Variants in SGTB observed in about 807,000 individuals in gnomAD.
SGTB encodes small glutamine rich tetratricopeptide repeat co-chaperone beta.
SGTB carries 19 observed loss-of-function variants against 43.9 expected under a neutral mutation model. The ratio of observed to expected loss-of-function variants is 0.43; its 90% confidence interval spans 0.30 to 0.63. The LOEUF is 0.63. Ranked by LOEUF, SGTB falls within the 30% of genes least tolerant of loss-of-function variation. The pLI, the probability that SGTB is intolerant of heterozygous loss-of-function variation, is 0.12. For synonymous variants in SGTB, 116 were observed against 117.3 expected (o/e 0.99, Z 0.07); for missense variants, 304 against 358.9 (o/e 0.85, Z 1.24).
At chr5:65,696,831 A>G (rs1757724727) in intron 5 of SGTB, among the ~76,000 whole-genome samples, 2 of 152,212 alleles carry the variant, frequency 1.3e-5, no homozygotes, top group African/African-American at 4.8e-5. Flanking sequence ...CATCAGTAGG[A>G]TCCTAAAAGG....
At chr5:65,680,396 C>A in intron 8 of SGTB, 98 bp downstream of exon 8, 1 of 1,247,012 alleles carries the variant, frequency 8.0e-7, no homozygotes, top group Non-Finnish European at 1.1e-6. Context: ...CCACTACAAC[C>A]ACCACCACAA....
Position 65,702,299 on chromosome 5 carries a change from G to A in SGTB, c.374+1980C>T, listed in dbSNP as rs901566206. On this transcript the variant is annotated intron_variant, in intron 5 of 10. Coordinates refer to ENST00000381007, the MANE Select transcript of SGTB (RefSeq NM_019072.3). ...ACAACAGTATGTGTCTCGGGTGGAA[G>A]TAGGAAGACAAGGATGAGAAGCAGC... is the stretch of plus-strand genomic sequence containing the variant. 3.3e-5 allele frequency among the ~76,000 whole-genome samples: 5 copies of A among 152,150 alleles called. No homozygotes were observed. In the South Asian group the frequency reaches 1.0e-3, roughly 32 times the overall value.
rs1453646102 is a variant in SGTB, at chr5:65,667,853, T to A, written c.*2393A>T. The stretch of plus-strand genomic sequence containing the variant: ...TGAATTATCCAGGTGATTCTTACAA[T>A]GAAGTTATAGAACTACTGTTCTAAT... On this transcript the variant is annotated 3_prime_UTR_variant, in exon 11 of 11. Transcript: ENST00000381007. 1 of 152,148 alleles carries A rather than the reference T, an allele frequency of 6.6e-6. No individual in the cohort carries two copies. The highest frequency in any genetic ancestry group is 1.5e-5 in the Non-Finnish European group (1 of 68,034). The allele number at this position is 152,148 out of a possible 1,614,324, so 9.4% of individuals were successfully genotyped here. A position where few individuals can be genotyped will look rare whatever the true frequency, so the allele number is the denominator to read the frequency against.
At chr5:65,694,608 T>C (rs892529964) in intron 5 of SGTB, among the ~76,000 whole-genome samples, 13 of 152,010 alleles carry the variant, frequency 8.6e-5, no homozygotes, top group Non-Finnish European at 1.9e-4. Flanking sequence ...CCAGAGTAGC[T>C]GGGAATACAG....
At position 65,713,612 on chromosome 5, in the gene SGTB, C is replaced by G. The variant is rs181766494; in HGVS notation, c.101-548G>C. On this transcript the variant is annotated intron_variant, in intron 2 of 10. Transcript: ENST00000381007. ...GGATTATAGGCATGAGCCACCACAC[C>G]TAGCAACAACTGGATTTCTTATTCC... is the stretch of plus-strand genomic sequence containing the variant. Among the ~76,000 whole-genome samples the G allele has an allele frequency of 2.8e-4, 42 of 152,280 alleles. No individual in the cohort carries two copies. The East Asian group carries it at 7.7e-3, about 28-fold the overall frequency.
At chr5:65,704,172 T>C in intron 5 of SGTB, 107 bp downstream of exon 5, 1 of 776,510 alleles carries the variant, frequency 1.3e-6, no homozygotes, top group Non-Finnish European at 1.9e-6. Flanking sequence ...CTTTATATTT[T>C]TCTGAACTTT....
intron 2 of SGTB, among the ~76,000 whole-genome samples, chr5:65,714,507 G>C (rs1053594370): frequency 1.3e-5 from 2 of 152,130 alleles, no homozygotes; most frequent in African/African-American, 2.4e-5. Flanking sequence ...CATGGTGAGG[G>C]ATTATGTTTG....
At chr5:65,722,115 G>C, upstream of SGTB, 1 of 181,422 alleles carries the variant, frequency 5.5e-6, no homozygotes, top group Non-Finnish European at 1.1e-5. Flanking sequence ...GGTCTGGCCA[G>C]CACCGCCCCT....
chr5:65,686,411 G>C (rs1215073463), intron 5 of SGTB, among the ~76,000 whole-genome samples: 1 of 152,116 alleles, frequency 6.6e-6, no homozygotes, highest in Non-Finnish European at 1.5e-5. Flanking sequence ...CTACAGACAA[G>C]AGTCTCACGC....
intron 8 of SGTB, among the ~76,000 whole-genome samples, chr5:65,674,822 TA>T (rs1186015607): frequency 1.4e-4 from 21 of 147,082 alleles, no homozygotes; most frequent in East Asian, 3.9e-4. Flanking sequence ...TAACCATTCT[TA>T]AAAAAAAAAA....
intron 5 of SGTB, among the ~76,000 whole-genome samples, chr5:65,689,533 TA>T (rs1757565742): frequency 6.6e-6 from 1 of 152,196 alleles, no homozygotes; most frequent in African/African-American, 2.4e-5. Context: ...TATTGGTTTA[TA>T]ATAACAACTG....
At chr5:65,713,537 C>T (rs1036930527) in intron 2 of SGTB, among the ~76,000 whole-genome samples, 3 of 151,998 alleles carry the variant, frequency 2.0e-5, no homozygotes, top group African/African-American at 7.3e-5. Context: ...AGGCTGGTCT[C>T]AAACTCCTGG....
chr5:65,672,635 C>T (rs954743389), intron 8 of SGTB, among the ~76,000 whole-genome samples: 1 of 152,148 alleles, frequency 6.6e-6, no homozygotes, highest in African/African-American at 2.4e-5. Flanking sequence ...TCCAAACGAG[C>T]TTTTAAGAGA....
At chr5:65,687,620 A>T (rs1219218376) in intron 5 of SGTB, among the ~76,000 whole-genome samples, 1 of 152,210 alleles carries the variant, frequency 6.6e-6, no homozygotes, top group Non-Finnish European at 1.5e-5. Context: ...TTTAGTCCAT[A>T]GAGCCAGGAA....
upstream of SGTB, chr5:65,722,220 GCT>G: frequency 2.5e-6 from 1 of 404,856 alleles, no homozygotes. Context: ...CCGGCGTGGA[GCT>G]GCCGCACGTG....
chr5:65,721,038 C>T (rs1758263546), intron 1 of SGTB, among the ~76,000 whole-genome samples: 1 of 152,102 alleles, frequency 6.6e-6, no homozygotes, highest in African/African-American at 2.4e-5. Context: ...TTCATTAATA[C>T]CCAGTGGTAT....
chr5:65,694,508 T>A (rs1251063003), intron 5 of SGTB, among the ~76,000 whole-genome samples: 1 of 152,156 alleles, frequency 6.6e-6, no homozygotes, highest in East Asian at 1.9e-4. Context: ...AGAGTTTCGC[T>A]CTTGTAGCTC....
intron 2 of SGTB, among the ~76,000 whole-genome samples, chr5:65,718,283 C>T (rs1284798881): frequency 5.3e-5 from 8 of 152,108 alleles, no homozygotes; most frequent in Non-Finnish European, 1.5e-5. Flanking sequence ...GCCAATAATA[C>T]CAGCCACCCG....
intron 4 of SGTB, 114 bp from the exon 5 acceptor site, chr5:65,704,492 T>G (rs543702767): frequency 1.4e-6 from 1 of 738,100 alleles, no homozygotes; most frequent in Non-Finnish European, 2.0e-6. Flanking sequence ...GGCCTCATGA[T>G]TTTTCAGTCA....
Sources: gnomAD v4.1 joint callset for allele counts (sites outside exome capture counted in the v4.1 genomes callset) on GRCh38, gnomAD v4.1.1 for gene constraint, MANE v1.5 for transcripts, NCBI Gene and HGNC (gene_info 2026-07-23, HGNC 2026-07-21) for gene names.